The following HSD17B3 variants were observed in gnomAD, a reference collection of about 807,000 sequenced individuals.
The protein encoded by HSD17B3 is hydroxysteroid 17-beta dehydrogenase 3, also known as 17-beta-hydroxysteroid dehydrogenase type 3.
A neutral mutation model predicts 41.1 loss-of-function variants in HSD17B3; 29 were observed. The ratio of observed to expected loss-of-function variants is 0.71; its 90% confidence interval spans 0.53 to 0.96. The LOEUF (loss-of-function observed/expected upper bound fraction) is 0.96, where lower values mean the gene tolerates loss of function less well. Ranked by LOEUF, HSD17B3 falls within the 40% of genes least tolerant of loss-of-function variation. HSD17B3 has a pLI of 0.00. For missense variants in HSD17B3, 323 were observed against 374.6 expected, an observed-to-expected ratio of 0.86 and a Z score of 1.14; for synonymous variants, 126 against 145.6, an observed-to-expected ratio of 0.87 and a Z score of 0.97.
At chr9:96,250,528 G>T in intron 5 of HSD17B3, 1 of 999,350 alleles carries the variant, frequency 1.0e-6, no homozygotes, top group Non-Finnish European at 1.2e-6. Flanking sequence ...TGTTCAGATT[G>T]GTGTAGCCCT....
intron 7 of HSD17B3, 63 bp downstream of exon 7, chr9:96,246,493 A>T: frequency 6.9e-7 from 1 of 1,444,024 alleles, no homozygotes; most frequent in Non-Finnish European, 9.8e-7. Context: ...CCAGTCCCTG[A>T]GTTAGCTGAC....
rs148079305 is a variant in HSD17B3, at chr9:96,291,731, C to T, written c.201+6685G>A. On this transcript the variant is annotated intron_variant, in intron 2 of 10. Transcript: ENST00000375263. ...CAGCACTTTGGGATGCCACAGCAAG[C>T]GGATCACTTGAGGTCAGGAGTTTGA... Among the ~76,000 whole-genome samples the T allele has an allele frequency of 3.8e-3, 574 of 152,164 alleles. 9 individuals carry two copies. Among genetic ancestry groups the T allele is most frequent in the African/African-American group, 0.013 (538 of 41,516 alleles).
At chr9:96,237,568 T>C (rs62557537) in intron 10 of HSD17B3, among the ~76,000 whole-genome samples, 39,778 of 152,110 alleles carry the variant, frequency 0.26, 5,717 homozygotes, top group East Asian at 0.43. Context: ...TCCCTGTGGG[T>C]GGAGGGCGTG....
intron 2 of HSD17B3, among the ~76,000 whole-genome samples, chr9:96,264,253 T>G (rs182595735): frequency 3.6e-4 from 54 of 151,094 alleles, no homozygotes; most frequent in Admixed American, 2.3e-3. Context: ...ATAAACATTT[T>G]CTAAAAATAC....
chr9:96,289,545 T>G (rs1443191176), intron 2 of HSD17B3, among the ~76,000 whole-genome samples: 6 of 152,106 alleles, frequency 3.9e-5, no homozygotes, highest in Non-Finnish European at 7.3e-5. Context: ...CACCTTTGTC[T>G]CCCAATTCAC....
rs577299245 is a variant in HSD17B3 at position 96,302,165 on chromosome 9, C to T, written c.-61G>A. 3.6e-4 allele frequency: 564 copies of T among 1,561,096 alleles called. No individual in the cohort carries two copies. The highest frequency in any genetic ancestry group is 4.8e-4 in the Non-Finnish European group (550 of 1,141,596). ...GGCTCTCTGTGTATGCCTCCTGGGA[C>T]CACGCTGCTCTGGAGACCTCCAGAT... On this transcript the variant is annotated 5_prime_UTR_variant, in exon 1 of 11. Transcript: ENST00000375263.
intron 2 of HSD17B3, among the ~76,000 whole-genome samples, chr9:96,257,271 ATCTTTT>A (rs1825702237): frequency 6.6e-6 from 1 of 152,170 alleles, no homozygotes; most frequent in African/African-American, 2.4e-5. Flanking sequence ...CAGGATTTTC[ATCTTTT>A]TCTATTTGTA....
intron 2 of HSD17B3, among the ~76,000 whole-genome samples, chr9:96,290,393 T>C (rs1827103630): frequency 6.7e-6 from 1 of 149,516 alleles, no homozygotes; most frequent in African/African-American, 2.5e-5. Context: ...AGACTCCAGA[T>C]GTGAGAGGAG....
chr9:96,267,493 G>A (rs1826085517), intron 2 of HSD17B3, among the ~76,000 whole-genome samples: 1 of 151,962 alleles, frequency 6.6e-6, no homozygotes, highest in Non-Finnish European at 1.5e-5. Context: ...TACCTTCGGA[G>A]GAATTAGAGA....
chr9:96,244,182 C>T, intron 9 of HSD17B3, 147 bp downstream of exon 9: 3 of 839,690 alleles, frequency 3.6e-6, no homozygotes, highest in Non-Finnish European at 6.3e-6. Context: ...ATCCCCAGCT[C>T]ATCTTCCTGT....
intron 1 of HSD17B3, among the ~76,000 whole-genome samples, chr9:96,299,671 G>A (rs540617426): frequency 2.6e-5 from 4 of 152,158 alleles, no homozygotes; most frequent in Non-Finnish European, 4.4e-5. Flanking sequence ...GAAAAAGTTC[G>A]TAACTTGATT....
chr9:96,248,096 C>T (rs1302482491), intron 6 of HSD17B3, among the ~76,000 whole-genome samples: 1 of 152,070 alleles, frequency 6.6e-6, no homozygotes, highest in Non-Finnish European at 1.5e-5. Flanking sequence ...TTGGGAAATA[C>T]CTATGATCAA....
intron 1 of HSD17B3, among the ~76,000 whole-genome samples, chr9:96,301,722 A>AC (rs971221853): frequency 9.9e-5 from 15 of 150,888 alleles, no homozygotes; most frequent in South Asian, 8.5e-4. Context: ...AAAAAAAAAA[A>AC]AAAACACCAT....
At chr9:96,282,992 CTTTTTTTTTTTTT>C (rs58397134) in intron 2 of HSD17B3, among the ~76,000 whole-genome samples, 23,000 of 73,294 alleles carry the variant, frequency 0.31, 2,648 homozygotes, top group Admixed American at 0.51. Flanking sequence ...AGGTTTCTTT[CTTTTTTTTTTTTT>C]TTTTTTTTTT....
At chr9:96,244,469 G>A in intron 8 of HSD17B3, 75 bp from the exon 9 acceptor site, 9 of 1,370,472 alleles carry the variant, frequency 6.6e-6, no homozygotes, top group Non-Finnish European at 9.4e-6. Flanking sequence ...CTGACTTCAA[G>A]GGGCACTGCA....
intron 2 of HSD17B3, among the ~76,000 whole-genome samples, chr9:96,293,488 C>T (rs74408558): frequency 0.03 from 4,591 of 152,040 alleles, 150 homozygotes; most frequent in African/African-American, 0.072. Context: ...TAACCATGTG[C>T]GTCAATTCCT....
At chr9:96,260,264 A>G (rs1587739441) in intron 2 of HSD17B3, among the ~76,000 whole-genome samples, 1 of 152,170 alleles carries the variant, frequency 6.6e-6, no homozygotes, top group Admixed American at 6.5e-5. Context: ...AGTCATGCTA[A>G]TCTGTCTAGA....
At chr9:96,272,405 C>CTCTCTCTCTCTCTCTATATA (rs1239816824) in intron 2 of HSD17B3, among the ~76,000 whole-genome samples, 4 of 21,534 alleles carry the variant, frequency 1.9e-4, no homozygotes, top group Non-Finnish European at 3.5e-4. Flanking sequence ...CTCTCTCTCT[C>CTCTCTCTCTCTCTCTATATA]TATATATATA....
intron 9 of HSD17B3, among the ~76,000 whole-genome samples, chr9:96,241,655 G>C (rs1326921105): frequency 6.6e-6 from 1 of 152,088 alleles, no homozygotes; most frequent in Non-Finnish European, 1.5e-5. Flanking sequence ...AAGAAAAAAG[G>C]CTGGCATGGT....
Sources: allele counts gnomAD v4.1 joint callset (sites outside exome capture counted in the v4.1 genomes callset), GRCh38; gene constraint gnomAD v4.1.1; transcripts MANE v1.5; gene names NCBI Gene and HGNC (gene_info 2026-07-23, HGNC 2026-07-21).